Variants in CACNA1A observed in about 807,000 individuals in gnomAD.
CACNA1A encodes voltage-dependent P/Q-type calcium channel subunit alpha-1A.
CACNA1A carries 57 observed loss-of-function variants against 262.4 expected under a neutral mutation model. That is an observed-to-expected ratio of 0.22 (90% CI 0.18 to 0.27). CACNA1A has a LOEUF of 0.27. Ranked by LOEUF, CACNA1A falls within the 10% of genes least tolerant of loss-of-function variation. CACNA1A has a pLI of 1.00. For missense variants in CACNA1A, 2,526 were observed against 3,562.8 expected (o/e 0.71, Z 7.41); for synonymous variants, 1,431 against 1,419.3 (o/e 1.01, Z -0.18).
Position 13,209,373 on chromosome 19 carries a change from G to A in CACNA1A, c.6465C>T (p.Arg2155=), listed in dbSNP as rs1387169320. 7.2e-7 allele frequency: 1 copy of A among 1,395,922 alleles called. No individual in the cohort carries two copies. Among genetic ancestry groups the A allele is most frequent in the Non-Finnish European group, 9.3e-7 (1 of 1,071,168 alleles). The allele number at this position is 1,395,922 out of a possible 1,614,324, so 86.5% of individuals were successfully genotyped here. ...PEENQRHHQR[R]RDRSHRASER... is the part of the protein sequence containing the mutation. Reference sequence around the variant, plus strand: ...CAGAGGCGCGGTGGCTGCGGTCGCGGCGCCGCTGGTGGTGCCGCTGGTTCT... The same window carrying A: ...CAGAGGCGCGGTGGCTGCGGTCGCGACGCCGCTGGTGGTGCCGCTGGTTCT... The change falls in exon 45 of 47, where the codon CGC becomes CGT. Residue 2155 remains arginine, a synonymous_variant. Coordinates refer to ENST00000360228, the MANE Select transcript of CACNA1A (RefSeq NM_001127222.2).
chr19:13,298,531 C>A lies in CACNA1A; in HGVS notation c.3089+13G>T. 6.5e-7 allele frequency: 1 copy of A among 1,538,506 alleles called. No homozygotes were observed. The highest frequency in any genetic ancestry group is 8.8e-7 in the Non-Finnish European group (1 of 1,139,796). On this transcript the variant is annotated intron_variant, in intron 19 of 46. Coordinates refer to ENST00000360228, the MANE Select transcript of CACNA1A (RefSeq NM_001127222.2). ...TACCGTCATTCTGCGGATTCGAGGT[C>A]ACCTCCACTTACTTCCTCCTCCGAT...
At chr19:13,368,654 C>T (rs2059260413) in intron 4 of CACNA1A, among the ~76,000 whole-genome samples, 1 of 152,128 alleles carries the variant, frequency 6.6e-6, no homozygotes, top group South Asian at 2.1e-4. Context: ...CAGGAACTTC[C>T]CATGGCTCTT....
intron 24 of CACNA1A, among the ~76,000 whole-genome samples, chr19:13,265,441 G>A (rs1014544516): frequency 6.6e-5 from 10 of 152,196 alleles, no homozygotes; most frequent in African/African-American, 2.4e-4. Flanking sequence ...GAACAAAGAC[G>A]ATAATTGTAT....
At position 13,451,279 on chromosome 19, in the gene CACNA1A, A is replaced by T. The variant is rs1268369355; in HGVS notation, c.539+1597T>A. The T allele has an allele frequency of 2.0e-5, 3 of 152,330 alleles. No homozygotes were observed. The East Asian group carries it at 5.8e-4, about 29-fold the overall frequency. 9.4% of individuals were successfully genotyped at this position (152,330 alleles called of 1,614,324 possible). A position where few individuals can be genotyped will look rare whatever the true frequency, so the allele number is the denominator to read the frequency against. ...TGCATTGTGAGAGCCCGGCCAGCAC[A>T]GTGTGGGTGCTGCAACCCATCACAT... On this transcript the variant is annotated intron_variant, in intron 3 of 46. Transcript: ENST00000360228.
At chr19:13,324,356 A>G (rs533597472) in intron 10 of CACNA1A, among the ~76,000 whole-genome samples, 8 of 152,308 alleles carry the variant, frequency 5.3e-5, no homozygotes, top group African/African-American at 1.9e-4. Flanking sequence ...TTAGTGATGC[A>G]TTAATACATT....
intron 1 of CACNA1A, among the ~76,000 whole-genome samples, chr19:13,480,721 A>C (rs553580747): frequency 6.6e-6 from 1 of 152,206 alleles, no homozygotes; most frequent in South Asian, 2.1e-4. Context: ...TTTTGACTGC[A>C]CAGGAGGTCA....
At position 13,286,526 on chromosome 19, in the gene CACNA1A, G is replaced by A. The variant is rs201789073; in HGVS notation, c.3530C>T (p.Pro1177Leu). The A allele has an allele frequency of 7.4e-6, 11 of 1,494,738 alleles. No individual in the cohort carries two copies. The African/African-American group carries it at 8.4e-5, about 11-fold the overall frequency. The allele number at this position is 1,494,738 out of a possible 1,614,324, so 92.6% of individuals were successfully genotyped here. Reference sequence around the variant, plus strand: ...ACCTTGTACGACGGTGTGGTTGAGGGGGGGTGGGCAGGCTGGGGGGATGTC... The same window carrying A: ...ACCTTGTACGACGGTGTGGTTGAGGAGGGGTGGGCAGGCTGGGGGGATGTC... ...TVDIPPACPP[P>L]LNHTVVQVNK... Residue 1177 changes from proline to leucine, a missense_variant, in exon 20 of 47, where the codon CCC (proline) becomes CTC (leucine). Pro to Leu is a moderately conservative substitution (Grantham distance 98). This residue lies in a region of CACNA1A where 765 missense variants were observed against 748.6 expected (regional missense o/e 1.02). Transcript: ENST00000360228.
chr19:13,489,003 CTTTTTT>C lies in CACNA1A; in HGVS notation c.293+16923_293+16928del, dbSNP rs896790084. Among the ~76,000 whole-genome samples the C allele has an allele frequency of 5.5e-3, 410 of 75,196 alleles. 2 individuals carry two copies. Among genetic ancestry groups the C allele is most frequent in the African/African-American group, 0.024 (335 of 13,768 alleles). 49.3% of individuals were successfully genotyped at this position (75,196 alleles called of 152,430 possible). A position where few individuals can be genotyped will look rare whatever the true frequency, so the allele number is the denominator to read the frequency against. ...TATTGTAATTAATTTCTTTTCTTTT[CTTTTTT>C]TTTTTTTTTTTTTTTTTTTTGAGAC... is the stretch of plus-strand genomic sequence containing the variant. On this transcript the variant is annotated intron_variant, in intron 1 of 46. Transcript: ENST00000360228.
intron 3 of CACNA1A, among the ~76,000 whole-genome samples, chr19:13,448,474 A>G (rs1426258422): frequency 6.6e-6 from 1 of 152,138 alleles, no homozygotes; most frequent in Non-Finnish European, 1.5e-5. Context: ...CATGTAATAG[A>G]TCTGCACTTG....
At chr19:13,398,524 A>G (rs568495244) in intron 3 of CACNA1A, among the ~76,000 whole-genome samples, 3 of 152,192 alleles carry the variant, frequency 2.0e-5, no homozygotes, top group African/African-American at 4.8e-5. Context: ...GAAGGGTTCA[A>G]TAAGTGTTTG....
At chr19:13,309,676 G>C (rs1160480086) in intron 12 of CACNA1A, among the ~76,000 whole-genome samples, 1 of 151,948 alleles carries the variant, frequency 6.6e-6, no homozygotes, top group Non-Finnish European at 1.5e-5. Context: ...CTGGGCAACA[G>C]AGCAAGACCC....
intron 3 of CACNA1A, among the ~76,000 whole-genome samples, chr19:13,406,411 C>T (rs577978692): frequency 5.8e-5 from 8 of 138,592 alleles, no homozygotes; most frequent in East Asian, 2.2e-4. Flanking sequence ...GCCAAGATCG[C>T]GACAATGGGC....
Position 13,467,944 on chromosome 19 carries a change from T to C in CACNA1A, c.294-12732A>G, listed in dbSNP as rs185630850. Among the ~76,000 whole-genome samples, 62 of 149,718 alleles carry C rather than the reference T, an allele frequency of 4.1e-4. No individual in the cohort carries two copies. In the Middle Eastern group the frequency reaches 0.024, roughly 58 times the overall value. On this transcript the variant is annotated intron_variant, in intron 1 of 46. Coordinates refer to ENST00000360228, the MANE Select transcript of CACNA1A (RefSeq NM_001127222.2). ...TCTGGATATTTACAGGGCTATATTT[T>C]ACAGTTTTTAAAAAGTGAGATGAGT...
intron 22 of CACNA1A, chr19:13,277,741 C>T (rs2057184739): frequency 6.6e-6 from 1 of 152,580 alleles, no homozygotes; most frequent in Non-Finnish European, 1.5e-5. Context: ...CTGGTGTCAC[C>T]CAGGCCTGAA....
In CACNA1A at chr19:13,236,960, TG is replaced by T. The variant is rs1430061115; in HGVS notation, c.4951-1231del. Among the ~76,000 whole-genome samples the T allele has an allele frequency of 6.6e-6, 1 of 152,172 alleles. No homozygotes were observed. Among genetic ancestry groups the T allele is most frequent in the Admixed American group, 6.5e-5 (1 of 15,278 alleles). ...AATCTAGCTAATAAAACTGTTTTGT[TG>T]GGCCCGAGCAGTGTTTTTTCATTTG... On this transcript the variant is annotated intron_variant, in intron 31 of 46. Coordinates refer to ENST00000360228, the MANE Select transcript of CACNA1A (RefSeq NM_001127222.2). This position sits in a 1 kb window ranked among gnomAD's most constrained non-coding sequence, Gnocchi z 4.6.
chr19:13,469,451 GA>G, intron 1 of CACNA1A, among the ~76,000 whole-genome samples: 1 of 133,400 alleles, frequency 7.5e-6, no homozygotes, highest in East Asian at 2.4e-4. Context: ...TCCTTGTCTT[GA>G]ACCACCTCTT....
At chr19:13,268,681 A>G (rs990957454) in intron 24 of CACNA1A, among the ~76,000 whole-genome samples, 38 of 151,786 alleles carry the variant, frequency 2.5e-4, no homozygotes, top group South Asian at 6.2e-4. Flanking sequence ...TGATCCGCCC[A>G]CCTTGGCCTC....
chr19:13,422,532 G>A (rs2060333721), intron 3 of CACNA1A, among the ~76,000 whole-genome samples: 1 of 152,222 alleles, frequency 6.6e-6, no homozygotes, highest in African/African-American at 2.4e-5. Flanking sequence ...ATATTCCAAA[G>A]GAAGGACTGG....
chr19:13,272,366 A>G (rs767979106), intron 24 of CACNA1A: 22 of 152,522 alleles, frequency 1.4e-4, no homozygotes, highest in Admixed American at 3.3e-4. Context: ...GCTGCTGAGC[A>G]GACCTTGCCC....
Sources: gnomAD v4.1 joint callset for allele counts (sites outside exome capture counted in the v4.1 genomes callset) on GRCh38, gnomAD v4.1.1 for gene constraint, gnomAD v4.1.1 regional missense constraint, Gnocchi (gnomAD v3.1) non-coding constraint, MANE v1.5 for transcripts, NCBI Gene and HGNC (gene_info 2026-07-23, HGNC 2026-07-21) for gene names.